The following PARVG variants were observed in gnomAD, a reference collection of about 807,000 sequenced individuals.
PARVG encodes the protein gamma-parvin.
PARVG carries 36 observed loss-of-function variants against 44.4 expected under a neutral mutation model. The ratio of observed to expected loss-of-function variants is 0.81; its 90% CI spans 0.62 to 1.07. The LOEUF is 1.07. Ranked by LOEUF, PARVG falls within the 50% of genes least tolerant of loss-of-function variation. The pLI, the probability that PARVG is intolerant of heterozygous loss-of-function variation, is 0.00. For missense variants in PARVG, 407 were observed against 407.4 expected (o/e 1.00, Z 0.01); for synonymous variants, 170 against 174.1 (o/e 0.98, Z 0.19).
intron 6 of PARVG, 89 bp from the exon 7 acceptor site, chr22:44,190,462 G>A (rs1277368934): frequency 1.0e-6 from 1 of 968,042 alleles, no homozygotes; most frequent in Non-Finnish European, 1.7e-6. Flanking sequence ...TTGGTCTGCA[G>A]ATGGTTGTTC....
At chr22:44,187,998 C>A (rs1300090342) in intron 5 of PARVG, 120 bp downstream of exon 5, 3 of 1,003,926 alleles carry the variant, frequency 3.0e-6, no homozygotes, top group Non-Finnish European at 4.5e-6. Flanking sequence ...TTTAGGGACA[C>A]CTGTCTCACT....
chr22:44,193,769 C>T (rs754389494), intron 8 of PARVG, 32 bp from the exon 9 acceptor site: 2 of 1,608,336 alleles, frequency 1.2e-6, no homozygotes, highest in Non-Finnish European at 1.7e-6. Context: ...TTTTTTTTAA[C>T]CATTTGTTTG....
chr22:44,194,825 T>TCATCCATC (rs1232053535), intron 9 of PARVG, among the ~76,000 whole-genome samples: 1 of 144,640 alleles, frequency 6.9e-6, no homozygotes, highest in African/African-American at 2.7e-5. Flanking sequence ...ATCCATATAT[T>TCATCCATC]CATCCATCCA....
chr22:44,187,615 A>C (rs2054491669), intron 4 of PARVG, 161 bp from the exon 5 acceptor site: 1 of 680,216 alleles, frequency 1.5e-6, no homozygotes, highest in South Asian at 1.7e-5. Context: ...GGCCCCTAAC[A>C]GCCTGGGAGA....
At chr22:44,195,262 G>A (rs1160179498) in intron 9 of PARVG, among the ~76,000 whole-genome samples, 1 of 152,156 alleles carries the variant, frequency 6.6e-6, no homozygotes, top group East Asian at 1.9e-4. Flanking sequence ...GTCAGAGGGT[G>A]AAGAAAGGAC....
At chr22:44,176,644 C>CT (rs139114), upstream of PARVG, among the ~76,000 whole-genome samples, 54,121 of 149,530 alleles carry the variant, frequency 0.36, 10,171 homozygotes, top group African/African-American at 0.47. Flanking sequence ...AGAGCAAAGG[C>CT]TTTTTTTTTT....
chr22:44,185,569 C>T lies in PARVG; in HGVS notation c.80-239C>T, dbSNP rs2054452728. ...TATCAAACATAGGATACCCAGTTAA[C>T]TTTGAATGTCAAGTAATCAAGAAAT... On this transcript the variant is annotated intron_variant, in intron 3 of 13. Transcript: ENST00000444313. The T allele has an allele frequency of 9.2e-6, 4 of 434,600 alleles. No homozygotes were observed. The South Asian group carries it at 1.0e-4, about 11-fold the overall frequency. The allele number at this position is 434,600 out of a possible 1,614,324, so 26.9% of individuals were successfully genotyped here.
upstream of PARVG, among the ~76,000 whole-genome samples, chr22:44,178,069 C>T (rs1376143979): frequency 6.6e-6 from 1 of 152,186 alleles, no homozygotes; most frequent in Non-Finnish European, 1.5e-5. Flanking sequence ...TCCCCCTTCA[C>T]CTTCCACCAT....
chr22:44,188,138 T>C, intron 5 of PARVG: 1 of 540,698 alleles, frequency 1.8e-6, no homozygotes, highest in Non-Finnish European at 3.3e-6. Context: ...ACACTGCCTC[T>C]CTAACACTTA....
At chr22:44,177,825 C>A (rs527618272), upstream of PARVG, among the ~76,000 whole-genome samples, 6 of 152,098 alleles carry the variant, frequency 3.9e-5, no homozygotes, top group Non-Finnish European at 8.8e-5. Flanking sequence ...GTGATCACAC[C>A]ACTGCACTCC....
In PARVG at chr22:44,172,957, T is replaced by C. The variant is rs765808560; in HGVS notation, c.-423T>C. The C allele has an allele frequency of 1.5e-5, 19 of 1,285,312 alleles. No individual in the cohort carries two copies. In the South Asian group the frequency reaches 2.2e-4, roughly 15 times the overall value. 79.6% of individuals were successfully genotyped at this position (1,285,312 alleles called of 1,614,324 possible). On this transcript the variant is annotated 5_prime_UTR_variant, in exon 1 of 14. Coordinates refer to the PARVG transcript ENST00000422871. ...CGTGAGCATGGGCCTGTCCACCGTC[T>C]TTGTTTGGCTGCTGTTTTAATCTTT...
Position 44,187,648 on chromosome 22 carries a change from G to A in PARVG, c.145-128G>A, listed in dbSNP as rs1048080308. The A allele has an allele frequency of 1.6e-5, 13 of 826,726 alleles. No individual in the cohort carries two copies. In the African/African-American group the frequency reaches 1.8e-4, roughly 12 times the overall value. 51.2% of individuals were successfully genotyped at this position (826,726 alleles called of 1,614,324 possible). On this transcript the variant is annotated intron_variant, in intron 4 of 13. Coordinates refer to ENST00000444313, the MANE Select transcript of PARVG (RefSeq NM_022141.7). ...AGATCAAGGAGGGCTTCCCAGTGGA[G>A]GTGACATTTGACCAGGCCTTGAAAG...
Position 44,207,846 on chromosome 22 carries a change from G to A in PARVG, c.*1420G>A, listed in dbSNP as rs150369275. 250 of 152,394 alleles carry A rather than the reference G, an allele frequency of 1.6e-3. No individual in the cohort carries two copies. Among genetic ancestry groups the A allele is most frequent in the Non-Finnish European group, 2.6e-3 (179 of 68,132 alleles). 9.4% of individuals were successfully genotyped at this position (152,394 alleles called of 1,614,324 possible). A position where few individuals can be genotyped will look rare whatever the true frequency, so the allele number is the denominator to read the frequency against. ...ACAGGGCAAACCCAAGCCCATAAGC[G>A]TGTTCCACGTGAGCACTCAGATGCA... On this transcript the variant is annotated 3_prime_UTR_variant, in exon 14 of 14. Transcript: ENST00000444313.
At chr22:44,196,498 C>A (rs540808207) in intron 11 of PARVG, 83 bp downstream of exon 11, 1 of 1,526,728 alleles carries the variant, frequency 6.5e-7, no homozygotes, top group East Asian at 2.3e-5. Flanking sequence ...GCCCTGGGAA[C>A]CTGCTGTGTG....
chr22:44,206,324 G>C lies in PARVG; in HGVS notation c.894G>C (p.Val298=), dbSNP rs771446050. ...LSCPVSPEDI[V]NKDAKSTLRV... ...CCCTCCTTTGGCCCGCAGATATCGT[G>C]AACAAGGATGCCAAGAGCACACTGA... Residue 298 remains valine (V), a synonymous_variant, in exon 14 of 14, where the codon GTG becomes GTC. Transcript: ENST00000444313. 15 of 1,613,362 alleles carry C rather than the reference G, an allele frequency of 9.3e-6. No homozygotes were observed. Among genetic ancestry groups the C allele is most frequent in the South Asian group, 6.6e-5 (6 of 91,046 alleles).
rs1601750651 is a variant in PARVG, at chr22:44,204,431, G to T, written c.814-1326G>T. ...CCGTGACACAGATGAGGCACCTGAG[G>T]CCCAGCCAGGATGTGTGACTTGTCC... On this transcript the variant is annotated intron_variant, in intron 12 of 13. Coordinates refer to ENST00000444313, the MANE Select transcript of PARVG (RefSeq NM_022141.7). 2.0e-5 allele frequency among the ~76,000 whole-genome samples: 3 copies of T among 152,358 alleles called. No individual in the cohort carries two copies. The South Asian group carries it at 6.2e-4, about 32-fold the overall frequency.
Position 44,196,328 on chromosome 22 carries a change from C to G in PARVG, c.643-19C>G, listed in dbSNP as rs1396594736. On this transcript the variant is annotated intron_variant, in intron 10 of 13. Transcript: ENST00000444313. ...CATCACACCTGCTGTGTGCTAGGCC[C>G]TTGTTCTTCCCTGGTTAGGCCATCG... 1 of 1,614,178 alleles carries G rather than the reference C, an allele frequency of 6.2e-7. No individual in the cohort carries two copies. Among genetic ancestry groups the G allele is most frequent in the Admixed American group, 1.7e-5 (1 of 60,026 alleles).
rs1417257453 is a variant in PARVG, at chr22:44,207,289, T to C, written c.*863T>C. 5 of 35,810 alleles carry C rather than the reference T, an allele frequency of 1.4e-4. No individual in the cohort carries two copies. The highest frequency in any genetic ancestry group is 6.8e-4 in the African/African-American group (5 of 7,402). The allele number at this position is 35,810 out of a possible 1,614,324, so 2.2% of individuals were successfully genotyped here. A position where few individuals can be genotyped will look rare whatever the true frequency, so the allele number is the denominator to read the frequency against. ...GGCTGGCCGGGAGGGGTGGGACTGA[T>C]GGGGAGGGGTGAGGCTGGCGGGGAG... On this transcript the variant is annotated 3_prime_UTR_variant, in exon 14 of 14. Coordinates refer to ENST00000444313, the MANE Select transcript of PARVG (RefSeq NM_022141.7).
rs1328890252 is a variant in PARVG, at chr22:44,194,621, A to G, written c.583+798A>G. ...CCTCCATTCATCCATCCACCTACCC[A>G]TCCATCACCTGTCCATCCATCCATC... On this transcript the variant is annotated intron_variant, in intron 9 of 13. Coordinates refer to ENST00000444313, the MANE Select transcript of PARVG (RefSeq NM_022141.7). Among the ~76,000 whole-genome samples, 7 of 149,296 alleles carry G rather than the reference A, an allele frequency of 4.7e-5. No homozygotes were observed. The South Asian group carries it at 1.3e-3, about 27-fold the overall frequency.
Sources: gnomAD v4.1 joint callset for allele counts (sites outside exome capture counted in the v4.1 genomes callset) on GRCh38, gnomAD v4.1.1 for gene constraint, MANE v1.5 for transcripts, NCBI Gene and HGNC (gene_info 2026-07-23, HGNC 2026-07-21) for gene names.